The following SYTL2 variants were observed in gnomAD, a reference collection of about 807,000 sequenced individuals.
The protein encoded by SYTL2 is synaptotagmin-like protein 2.
SYTL2 carries 165 observed loss-of-function variants against 198.7 expected under a neutral mutation model. That is an observed-to-expected ratio of 0.83 (90% CI 0.73 to 0.94). The LOEUF (loss-of-function observed/expected upper bound fraction) is 0.94, where lower values mean the gene tolerates loss of function less well. Ranked by LOEUF, SYTL2 falls within the 40% of genes least tolerant of loss-of-function variation. The pLI is 0.00. For missense variants in SYTL2, 2,835 were observed against 2,582.8 expected, an observed-to-expected ratio of 1.10 and a Z score of -2.12; for synonymous variants, 966 against 917.7, an observed-to-expected ratio of 1.05 and a Z score of -0.95.
chr11:85,767,099 T>C (rs1352676399), intron 1 of SYTL2, among the ~76,000 whole-genome samples: 1 of 152,190 alleles, frequency 6.6e-6, no homozygotes, highest in Non-Finnish European at 1.5e-5. Context: ...TAAACACGCA[T>C]ATTTGTATAT....
intron 1 of SYTL2, among the ~76,000 whole-genome samples, chr11:85,766,397 T>A (rs576791600): frequency 6.6e-6 from 1 of 152,282 alleles, no homozygotes; most frequent in East Asian, 1.9e-4. Context: ...AAAATTCAAA[T>A]CATATGTAGA....
the SYTL2 span, among the ~76,000 whole-genome samples, chr11:85,852,307 T>C: frequency 6.6e-6 from 1 of 152,202 alleles, no homozygotes; most frequent in African/African-American, 2.4e-5. Context: ...GAAATGTAAC[T>C]ACCAGGACAT....
intron 2 of SYTL2, among the ~76,000 whole-genome samples, chr11:85,750,204 A>C (rs1354195745): frequency 6.6e-6 from 1 of 151,864 alleles, no homozygotes; most frequent in African/African-American, 2.4e-5. Context: ...AGTTTACCAA[A>C]CTCCTCTAAG....
intron 1 of SYTL2, among the ~76,000 whole-genome samples, chr11:85,776,104 A>C (rs2092446904): frequency 6.6e-6 from 1 of 152,124 alleles, no homozygotes; most frequent in African/African-American, 2.4e-5. Flanking sequence ...AGAGCTACCC[A>C]GTTCTCTCAC....
intron 16 of SYTL2, among the ~76,000 whole-genome samples, chr11:85,700,856 GA>G (rs760711976): frequency 2.0e-5 from 3 of 152,210 alleles, no homozygotes; most frequent in Non-Finnish European, 4.4e-5. Context: ...GAAGAAACCA[GA>G]ATGGCTTTCT....
chr11:85,714,567 T>G, intron 11 of SYTL2, 60 bp from the exon 12 acceptor site: 1 of 1,578,708 alleles, frequency 6.3e-7, no homozygotes, highest in Non-Finnish European at 8.7e-7. Flanking sequence ...ACATTAGACA[T>G]TAAGTTGAAA....
At chr11:85,816,947 A>C in the SYTL2 span, among the ~76,000 whole-genome samples, 1 of 150,818 alleles carries the variant, frequency 6.6e-6, no homozygotes, top group African/African-American at 2.4e-5. Flanking sequence ...ACCATCTTAT[A>C]AGAGAGTCTT....
chr11:85,807,226 T>C lies in SYTL2; in HGVS notation c.-390+3728A>G, dbSNP rs138824037. ...ATCTTCTGTCCTCTTCTGTTCAGGATTGTGATGAGGATCAATGAGATACTA... is the reference window on the plus strand; with the variant it reads ...ATCTTCTGTCCTCTTCTGTTCAGGACTGTGATGAGGATCAATGAGATACTA... On this transcript the variant is annotated intron_variant, in intron 1 of 19. Coordinates refer to ENST00000359152, the MANE Select transcript of SYTL2 (RefSeq NM_206927.4). 2.6e-3 allele frequency among the ~76,000 whole-genome samples: 396 copies of C among 152,314 alleles called. 3 individuals are homozygous for C. Among genetic ancestry groups the C allele is most frequent in the African/African-American group, 8.9e-3 (368 of 41,580 alleles).
intron 1 of SYTL2, among the ~76,000 whole-genome samples, chr11:85,779,246 G>C (rs1033207829): frequency 2.0e-5 from 3 of 152,168 alleles, no homozygotes; most frequent in Admixed American, 2.0e-4. Context: ...CTTTGCCATA[G>C]AAGAGTGTTC....
Position 85,727,816 on chromosome 11 carries a change from T to C in SYTL2, c.1542A>G (p.Ser514=). The stretch of plus-strand genomic sequence containing the variant: ...GAACTTTAAATATGGAATCATCAGT[T>C]GACTTCTTTATCTCAGTGGCATATG... The part of the protein sequence containing the change: ...SGPYATEIKK[S]TDDSIFKVLD... Residue 514 remains serine (S), a synonymous_variant, in exon 8 of 20, where the codon TCA becomes TCG. Transcript: ENST00000359152. 1 of 1,609,006 alleles carries C rather than the reference T, an allele frequency of 6.2e-7. No homozygotes were observed. The highest frequency in any genetic ancestry group is 8.5e-7 in the Non-Finnish European group (1 of 1,177,890).
upstream of SYTL2, among the ~76,000 whole-genome samples, chr11:85,812,714 T>C (rs1318131781): frequency 1.3e-5 from 2 of 152,134 alleles, no homozygotes; most frequent in African/African-American, 4.8e-5. Flanking sequence ...GCCTGTCATA[T>C]GTCACGGCTA....
chr11:85,709,312 G>T lies in SYTL2; in HGVS notation c.5915+19C>A. ...GTTGGAGAACTAAGAGAAGGTAGGT[G>T]ACTCTAAAATGTACTTACGGGTCTG... On this transcript the variant is annotated intron_variant, in intron 14 of 19. Coordinates refer to ENST00000359152, the MANE Select transcript of SYTL2 (RefSeq NM_206927.4). 1 of 1,612,344 alleles carries T rather than the reference G, an allele frequency of 6.2e-7. No homozygotes were observed. The highest frequency in any genetic ancestry group is 8.5e-7 in the Non-Finnish European group (1 of 1,178,638).
intron 2 of SYTL2, among the ~76,000 whole-genome samples, chr11:85,751,648 G>C (rs894081158): frequency 6.6e-6 from 1 of 152,192 alleles, no homozygotes; most frequent in Non-Finnish European, 1.5e-5. Context: ...TGGCCTCCCA[G>C]GTGGGATGTC....
chr11:85,728,192 G>T (rs913335805), intron 7 of SYTL2, among the ~76,000 whole-genome samples: 1 of 152,204 alleles, frequency 6.6e-6, no homozygotes, highest in East Asian at 1.9e-4. Flanking sequence ...AGACCTGGAA[G>T]TACATGGTAT....
the SYTL2 span, among the ~76,000 whole-genome samples, chr11:85,851,719 T>C: frequency 6.6e-6 from 1 of 152,256 alleles, no homozygotes; most frequent in East Asian, 1.9e-4. Context: ...GCTCTCATAA[T>C]AGAAGCAGGC....
At chr11:85,764,326 C>A (rs996108772) in intron 1 of SYTL2, among the ~76,000 whole-genome samples, 3 of 152,264 alleles carry the variant, frequency 2.0e-5, no homozygotes, top group East Asian at 3.9e-4. Flanking sequence ...GTGCTAAGCC[C>A]TTTACACATA....
chr11:85,703,586 G>C (rs2084671257), intron 16 of SYTL2, among the ~76,000 whole-genome samples: 1 of 152,138 alleles, frequency 6.6e-6, no homozygotes, highest in African/African-American at 2.4e-5. Flanking sequence ...ATAATCTGTT[G>C]CCAGGAGATA....
chr11:85,801,835 T>C (rs1296028628), intron 1 of SYTL2, among the ~76,000 whole-genome samples: 31 of 151,854 alleles, frequency 2.0e-4, no homozygotes, highest in Admixed American at 2.0e-3. Context: ...TTTTTTTTTT[T>C]TTTCAGATGG....
At position 85,724,557 on chromosome 11, in the gene SYTL2, G is replaced by C. The variant is rs1405197757; in HGVS notation, c.4801C>G (p.Gln1601Glu). ...THEKESSQSE[Q>E]TRFLGTVPHF... Reference sequence around the variant, plus strand: ...GGCACTGTCCCCAAGAACCTGGTCTGCTCTGACTGTGAGGACTCCTTCTCG... The same window carrying C: ...GGCACTGTCCCCAAGAACCTGGTCTCCTCTGACTGTGAGGACTCCTTCTCG... Residue 1601 changes from glutamine (Q) to glutamate (E), a missense_variant, in exon 8 of 20, where the codon CAG becomes GAG. Transcript: ENST00000359152. 2 of 1,613,802 alleles carry C rather than the reference G, an allele frequency of 1.2e-6. No homozygotes were observed. The highest frequency in any genetic ancestry group is 3.3e-5 in the Admixed American group (2 of 59,982).
Sources: allele counts gnomAD v4.1 joint callset (sites outside exome capture counted in the v4.1 genomes callset), GRCh38; gene constraint gnomAD v4.1.1; transcripts MANE v1.5; gene names NCBI Gene and HGNC (gene_info 2026-07-23, HGNC 2026-07-21).